SLC26A7: variants seen among roughly 807,000 people sequenced by gnomAD.
SLC26A7 encodes the protein solute carrier family 26 member 7.
SLC26A7 carries 59 observed loss-of-function variants against 82.5 expected under a neutral mutation model. That is an observed-to-expected ratio of 0.72 (90% CI 0.58 to 0.89). The LOEUF is 0.89. SLC26A7 is among the 40% of genes least tolerant of loss of function. The pLI is 0.00. For missense variants in SLC26A7, 820 were observed against 793.0 expected (o/e 1.03, Z -0.41); for synonymous variants, 271 against 274.3 (o/e 0.99, Z 0.12).
At chr8:91,209,963 A>T (rs1809877663) in intron 1 of SLC26A7, among the ~76,000 whole-genome samples, 1 of 152,220 alleles carries the variant, frequency 6.6e-6, no homozygotes, top group Non-Finnish European at 1.5e-5. Flanking sequence ...CTGGATCCAA[A>T]GATGAATAAG....
chr8:91,384,548 C>G (rs1814747304), intron 15 of SLC26A7, among the ~76,000 whole-genome samples: 1 of 152,068 alleles, frequency 6.6e-6, no homozygotes, highest in Non-Finnish European at 1.5e-5. Context: ...TTATTCTGTC[C>G]ATCACACAAG....
chr8:91,235,182 C>CT (rs1163314653), intron 2 of SLC26A7, among the ~76,000 whole-genome samples: 1 of 152,172 alleles, frequency 6.6e-6, no homozygotes, highest in Non-Finnish European at 1.5e-5. Context: ...CCTCAGCCTC[C>CT]TAAAGTGCTG....
intron 2 of SLC26A7, among the ~76,000 whole-genome samples, chr8:91,232,232 AATAC>A (rs1355013828): frequency 1.3e-5 from 2 of 152,184 alleles, no homozygotes; most frequent in Non-Finnish European, 2.9e-5. Flanking sequence ...TTTCTAATCA[AATAC>A]ATTTATTTCT....
chr8:91,385,285 A>G (rs911540825), intron 15 of SLC26A7, among the ~76,000 whole-genome samples: 15 of 152,170 alleles, frequency 9.9e-5, no homozygotes, highest in Non-Finnish European at 2.1e-4. Flanking sequence ...TTCTAGGATT[A>G]TATGATTTTT....
At chr8:91,296,811 A>G (rs1812029709) in intron 4 of SLC26A7, among the ~76,000 whole-genome samples, 1 of 152,022 alleles carries the variant, frequency 6.6e-6, no homozygotes, top group Non-Finnish European at 1.5e-5. Context: ...TTGCCTGGGT[A>G]CCCTGTAACT....
intron 1 of SLC26A7, among the ~76,000 whole-genome samples, chr8:91,211,616 A>ATATTTTTT (rs1554597817): frequency 7.3e-6 from 1 of 137,530 alleles, no homozygotes; most frequent in East Asian, 2.0e-4. Context: ...ATATATATAT[A>ATATTTTTT]TTTTTTTTTT....
intron 1 of SLC26A7, among the ~76,000 whole-genome samples, chr8:91,212,710 G>C (rs929080166): frequency 2.6e-5 from 4 of 152,074 alleles, no homozygotes; most frequent in African/African-American, 9.7e-5. Context: ...AATGAATGTA[G>C]GTTTTAAAAC....
chr8:91,270,231 T>C (rs962253628), intron 2 of SLC26A7, among the ~76,000 whole-genome samples: 3 of 152,186 alleles, frequency 2.0e-5, no homozygotes, highest in Non-Finnish European at 4.4e-5. Context: ...TCTTTGGTGG[T>C]ACTAGACCTT....
intron 14 of SLC26A7, 61 bp downstream of exon 14, chr8:91,366,778 A>G: frequency 2.6e-6 from 4 of 1,530,098 alleles, no homozygotes; most frequent in Non-Finnish European, 3.5e-6. Context: ...ATGACAATAA[A>G]ACATGTATCA....
intron 10 of SLC26A7, 90 bp from the exon 11 acceptor site, chr8:91,352,811 A>G (rs987000629): frequency 7.5e-6 from 8 of 1,068,436 alleles, no homozygotes; most frequent in Non-Finnish European, 1.1e-5. Flanking sequence ...TAAGTACTTT[A>G]AAAACAAAAA....
At chr8:91,233,258 CT>C (rs1810333585) in intron 2 of SLC26A7, among the ~76,000 whole-genome samples, 1 of 152,154 alleles carries the variant, frequency 6.6e-6, no homozygotes, top group Admixed American at 6.5e-5. Context: ...AAGTAGACAG[CT>C]TTTCCCTTAG....
intron 15 of SLC26A7, among the ~76,000 whole-genome samples, chr8:91,377,618 C>T (rs1024235395): frequency 6.6e-6 from 1 of 152,054 alleles, no homozygotes; most frequent in Non-Finnish European, 1.5e-5. Flanking sequence ...GAGCTGGTCA[C>T]CTGGTTCTTT....
Position 91,393,871 on chromosome 8 carries a change from T to C in SLC26A7, c.1831+20T>C. The stretch of plus-strand genomic sequence containing the variant: ...GTACAGGTAAGAGAATGTCCCTGAC[T>C]AACGTTGAATGTGATTTTTCTGCAC... On this transcript the variant is annotated intron_variant, in intron 17 of 18. Transcript: ENST00000276609. The C allele has an allele frequency of 5.6e-6, 9 of 1,613,520 alleles. No homozygotes were observed. The highest frequency in any genetic ancestry group is 7.6e-6 in the Non-Finnish European group (9 of 1,179,476).
At chr8:91,285,883 T>G (rs913448902) in intron 2 of SLC26A7, among the ~76,000 whole-genome samples, 1 of 152,234 alleles carries the variant, frequency 6.6e-6, no homozygotes, top group African/African-American at 2.4e-5. Flanking sequence ...GTAGCACCAA[T>G]TTCTAATTCA....
intron 3 of SLC26A7, among the ~76,000 whole-genome samples, chr8:91,290,263 T>C (rs1368710747): frequency 6.6e-6 from 1 of 152,212 alleles, no homozygotes; most frequent in Non-Finnish European, 1.5e-5. Context: ...TCATTTTGTG[T>C]TATTGATTGT....
At chr8:91,218,051 ATCTCAGAGT>A (rs367569818) in intron 1 of SLC26A7, among the ~76,000 whole-genome samples, 143 of 152,238 alleles carry the variant, frequency 9.4e-4, no homozygotes, top group African/African-American at 3.3e-3. Flanking sequence ...TTTCAATAGG[ATCTCAGAGT>A]TCTTTTGTGG....
chr8:91,389,294 T>C (rs1814886689), intron 15 of SLC26A7, 44 bp from the exon 16 acceptor site: 6 of 1,424,356 alleles, frequency 4.2e-6, no homozygotes, highest in Non-Finnish European at 5.9e-6. Context: ...GCAGCAGAAG[T>C]CTCTTAAAAC....
intron 2 of SLC26A7, among the ~76,000 whole-genome samples, chr8:91,223,827 C>T (rs923244400): frequency 3.9e-5 from 6 of 152,012 alleles, no homozygotes; most frequent in Admixed American, 1.3e-4. Flanking sequence ...ATCGTAGGTT[C>T]GGTCTTTTAA....
At chr8:91,240,101 A>G (rs913509050) in intron 2 of SLC26A7, among the ~76,000 whole-genome samples, 4 of 152,126 alleles carry the variant, frequency 2.6e-5, no homozygotes, top group African/African-American at 9.7e-5. Flanking sequence ...AAAAGTTGGC[A>G]TTGAGTTTTG....
Sources: gnomAD v4.1 joint callset for allele counts (sites outside exome capture counted in the v4.1 genomes callset) on GRCh38, gnomAD v4.1.1 for gene constraint, MANE v1.5 for transcripts, NCBI Gene and HGNC (gene_info 2026-07-23, HGNC 2026-07-21) for gene names.